Variants in TIGD6 observed in about 807,000 individuals in gnomAD.
TIGD6 encodes tigger transposable element-derived protein 6.
A neutral mutation model predicts 2.6 loss-of-function variants in TIGD6; 1 was observed. That is an observed-to-expected ratio of 0.39 (90% CI 0.14 to 1.85). TIGD6 has a LOEUF of 1.85. TIGD6 is among the 40% of genes most tolerant of loss of function. TIGD6 has a pLI of 0.32. For synonymous variants in TIGD6, 193 were observed against 221.9 expected (o/e 0.87, Z 1.16); for missense variants, 601 against 634.2 (o/e 0.95, Z 0.56).
intron 1 of TIGD6, among the ~76,000 whole-genome samples, chr5:149,997,054 G>A (rs1474622943): frequency 2.0e-5 from 3 of 152,240 alleles, no homozygotes; most frequent in Non-Finnish European, 4.4e-5. Flanking sequence ...AATATAAAAT[G>A]TGGTGGGAAA....
In TIGD6 at chr5:149,994,436, A is replaced by C. The variant is rs968501993; in HGVS notation, c.*347T>G. The C allele has an allele frequency of 6.2e-6, 1 of 162,208 alleles. No homozygotes were observed. Among genetic ancestry groups the C allele is most frequent in the Admixed American group, 6.2e-5 (1 of 16,246 alleles). The allele number at this position is 162,208 out of a possible 1,614,324, so 10.0% of individuals were successfully genotyped here. A position where few individuals can be genotyped will look rare whatever the true frequency, so the allele number is the denominator to read the frequency against. ...ATTGGAATCACCTGGAGAGCTTCAAAACTACCAATGCCTGTGACCCGTCAC... is the reference window on the plus strand; with the variant it reads ...ATTGGAATCACCTGGAGAGCTTCAACACTACCAATGCCTGTGACCCGTCAC... On this transcript the variant is annotated 3_prime_UTR_variant, in exon 2 of 2. Transcript: ENST00000296736.
chr5:149,999,436 G>A (rs1755483492), intron 1 of TIGD6, among the ~76,000 whole-genome samples: 1 of 152,210 alleles, frequency 6.6e-6, no homozygotes, highest in South Asian at 2.1e-4. Flanking sequence ...GAAAAAAGCA[G>A]GAGTCCACAT....
chr5:149,997,582 G>A (rs1204962243), intron 1 of TIGD6, among the ~76,000 whole-genome samples: 5 of 151,798 alleles, frequency 3.3e-5, no homozygotes, highest in Admixed American at 6.6e-5. Flanking sequence ...CACACACACC[G>A]AAAATAGCTT....
rs1755300880 is a variant in TIGD6, at chr5:149,993,196, C to G, written c.*1587G>C. ...GCTATAAAATAATCTATTTAAACAT[C>G]TGCTGTTTTTCAGTGATTGTTTTGT... On this transcript the variant is annotated 3_prime_UTR_variant, in exon 2 of 2. Transcript: ENST00000296736. 1 of 152,184 alleles carries G rather than the reference C, an allele frequency of 6.6e-6. No individual in the cohort carries two copies. Among genetic ancestry groups the G allele is most frequent in the African/African-American group, 2.4e-5 (1 of 41,446 alleles). The allele number at this position is 152,184 out of a possible 1,614,324, so 9.4% of individuals were successfully genotyped here. A position where few individuals can be genotyped will look rare whatever the true frequency, so the allele number is the denominator to read the frequency against.
chr5:149,999,664 A>G (rs1210022353), intron 1 of TIGD6, among the ~76,000 whole-genome samples: 2 of 152,182 alleles, frequency 1.3e-5, no homozygotes, highest in Admixed American at 6.5e-5. Flanking sequence ...TCATTTGTTA[A>G]GCACTTTACT....
At chr5:149,999,358 T>C (rs562788021) in intron 1 of TIGD6, among the ~76,000 whole-genome samples, 3 of 152,072 alleles carry the variant, frequency 2.0e-5, no homozygotes, top group Non-Finnish European at 1.5e-5. Context: ...TTGAGTGCAA[T>C]AGGAAGCTAT....
intron 1 of TIGD6, among the ~76,000 whole-genome samples, chr5:149,998,415 C>A (rs1755450567): frequency 6.6e-6 from 1 of 151,950 alleles, no homozygotes; most frequent in African/African-American, 2.4e-5. Context: ...TGCCTAAGGT[C>A]CTTCCAGATT....
chr5:149,997,817 C>T (rs908858819), intron 1 of TIGD6, among the ~76,000 whole-genome samples: 22 of 151,818 alleles, frequency 1.4e-4, no homozygotes, highest in African/African-American at 4.1e-4. Context: ...AAAAATTAGC[C>T]GGGCGTGGTG....
rs747737519 is a variant in TIGD6 at position 149,995,664 on chromosome 5, C to G, written c.685G>C (p.Val229Leu). 6.2e-7 allele frequency: 1 copy of G among 1,614,230 alleles called. No individual in the cohort carries two copies. ...SGTEKMRPLI[V>L]GRSASPHCLK... is the part of the protein sequence containing the mutation. ...CAGTGTGGGCTGGCTGACCTACCAA[C>G]AATCAATGGTCTCATTTTTTCAGTC... is the stretch of plus-strand genomic sequence containing the variant. Residue 229 changes from valine to leucine, a missense_variant, in exon 2 of 2, where the codon GTT becomes CTT. By Grantham distance (32) the Val-to-Leu change is conservative. Coordinates refer to ENST00000296736, the MANE Select transcript of TIGD6 (RefSeq NM_030953.4).
intron 1 of TIGD6, among the ~76,000 whole-genome samples, chr5:149,998,031 G>A (rs1017739131): frequency 1.3e-4 from 20 of 152,234 alleles, no homozygotes; most frequent in African/African-American, 4.8e-4. Context: ...TCGGGAGGCA[G>A]AGGCACAAGA....
intron 1 of TIGD6, among the ~76,000 whole-genome samples, chr5:149,998,638 C>T (rs562205918): frequency 5.9e-5 from 9 of 152,332 alleles, no homozygotes; most frequent in Admixed American, 2.6e-4. Flanking sequence ...TAATTGCCTT[C>T]GTAGGCATTT....
rs372602376 is a variant in TIGD6, at chr5:149,996,324, G to A, written c.25C>T (p.Arg9Cys). The A allele has an allele frequency of 4.4e-5, 71 of 1,609,812 alleles. No homozygotes were observed. The highest frequency in any genetic ancestry group is 1.7e-4 in the Middle Eastern group (1 of 6,046). The change falls in exon 2 of 2, where the codon CGT becomes TGT. Residue 9 changes from arginine to cysteine, a missense_variant. Physicochemically the swap from Arg to Cys is radical, Grantham distance 180. Transcript: ENST00000296736. The part of the protein sequence containing the change: MANKGNKK[R>C]RQFSLEEKMK... ...TTCTCCTCCAGAGAGAACTGCCGAC[G>A]CTTCTTGTTCCCCTTGTTTGCCATT...
chr5:149,996,520 C>T lies in TIGD6; in HGVS notation c.-81-91G>A, dbSNP rs1581238830. ...TTTTACAAATTGTATTAGGAAAGGA[C>T]AATTTACAGTCAAAGTAAAGAAAAG... is the stretch of plus-strand genomic sequence containing the variant. On this transcript the variant is annotated intron_variant, in intron 1 of 1. Coordinates refer to ENST00000296736, the MANE Select transcript of TIGD6 (RefSeq NM_030953.4). The T allele has an allele frequency of 5.5e-6, 5 of 904,048 alleles. No individual in the cohort carries two copies. In the East Asian group the frequency reaches 1.3e-4, roughly 24 times the overall value. The allele number at this position is 904,048 out of a possible 1,614,324, so 56.0% of individuals were successfully genotyped here. A position where few individuals can be genotyped will look rare whatever the true frequency, so the allele number is the denominator to read the frequency against.
rs905205258 is a variant in TIGD6 at position 149,995,989 on chromosome 5, A to G, written c.360T>C (p.Ser120=). 10 of 1,611,142 alleles carry G rather than the reference A, an allele frequency of 6.2e-6. No homozygotes were observed. Among genetic ancestry groups the G allele is most frequent in the Non-Finnish European group, 7.6e-6 (9 of 1,180,034 alleles). Residue 120 remains serine (S), a synonymous_variant, in exon 2 of 2, where the codon AGT becomes AGC. Transcript: ENST00000296736. ...CTCTAAATCTGTTCAGCCAGCCCAC[A>G]CTTGCTTGAAAATTGTCATAGCCAA... ...NMLGYDNFQA[S]VGWLNRFRDR...
rs759711145 is a variant in TIGD6, at chr5:149,996,375, C to T, written c.-27G>A. On this transcript the variant is annotated 5_prime_UTR_variant, in exon 2 of 2. Transcript: ENST00000296736. ...TCCAGGGAATGAGGGCTGGCCACAA[C>T]TAACAGGACTGTCTGGTTCCTCCTC... is the stretch of plus-strand genomic sequence containing the variant. 22 of 1,569,960 alleles carry T rather than the reference C, an allele frequency of 1.4e-5. No homozygotes were observed. Among genetic ancestry groups the T allele is most frequent in the Admixed American group, 1.1e-4 (6 of 53,888 alleles).
At position 149,995,974 on chromosome 5, in the gene TIGD6, G is replaced by A. The variant is rs764828314; in HGVS notation, c.375C>T (p.Asn125=). Residue 125 remains asparagine (N), a synonymous_variant, in exon 2 of 2, where the codon AAC becomes AAT. Transcript: ENST00000296736. ...CAATTCCGTGGCGATCTCTAAATCTGTTCAGCCAGCCCACACTTGCTTGAA... is the reference window on the plus strand; with the variant it reads ...CAATTCCGTGGCGATCTCTAAATCTATTCAGCCAGCCCACACTTGCTTGAA... ...DNFQASVGWL[N]RFRDRHGIAL... 1.2e-6 allele frequency: 2 copies of A among 1,611,488 alleles called. No individual in the cohort carries two copies. Among genetic ancestry groups the A allele is most frequent in the Non-Finnish European group, 1.7e-6 (2 of 1,180,032 alleles).
Position 149,994,453 on chromosome 5 carries a change from A to G in TIGD6, c.*330T>C, listed in dbSNP as rs10036377. 0.055 allele frequency: 9,301 copies of G among 170,164 alleles called. 916 individuals carry two copies. Among genetic ancestry groups the G allele is most frequent in the African/African-American group, 0.21 (8,668 of 42,010 alleles). The allele number at this position is 170,164 out of a possible 1,614,324, so 10.5% of individuals were successfully genotyped here. A position where few individuals can be genotyped will look rare whatever the true frequency, so the allele number is the denominator to read the frequency against. ...AGCTTCAAAACTACCAATGCCTGTGACCCGTCACCAAAGATTGTGATTTAA... is the reference window on the plus strand; with the variant it reads ...AGCTTCAAAACTACCAATGCCTGTGGCCCGTCACCAAAGATTGTGATTTAA... On this transcript the variant is annotated 3_prime_UTR_variant, in exon 2 of 2. Transcript: ENST00000296736.
At chr5:149,997,791 C>G (rs527730185) in intron 1 of TIGD6, among the ~76,000 whole-genome samples, 105 of 151,196 alleles carry the variant, frequency 6.9e-4, no homozygotes, top group African/African-American at 2.5e-3. Flanking sequence ...AACCCTGTCT[C>G]TACTAAAAAT....
At position 149,996,008 on chromosome 5, in the gene TIGD6, T is replaced by G; in HGVS notation, c.341A>C (p.Tyr114Ser). The G allele has an allele frequency of 1.2e-6, 2 of 1,611,152 alleles. No individual in the cohort carries two copies. Among genetic ancestry groups the G allele is most frequent in the Non-Finnish European group, 1.7e-6 (2 of 1,180,034 alleles). ...GCCCACACTTGCTTGAAAATTGTCA[T>G]AGCCAAGCATGTTGGCCAAGTTTAG... Reference protein sequence around the residue: ...KALNLANMLGYDNFQASVGWL... With the variant: ...KALNLANMLGSDNFQASVGWL... The change falls in exon 2 of 2, where the codon TAT becomes TCT. Residue 114 changes from tyrosine to serine, a missense_variant. By Grantham distance (144) the Tyr-to-Ser change is moderately radical (BLOSUM62 -2). Transcript: ENST00000296736.
Sources: gnomAD v4.1 joint callset for allele counts (sites outside exome capture counted in the v4.1 genomes callset) on GRCh38, gnomAD v4.1.1 for gene constraint, MANE v1.5 for transcripts, NCBI Gene and HGNC (gene_info 2026-07-23, HGNC 2026-07-21) for gene names.